Variants in ABCB1 observed in about 807,000 individuals in gnomAD.
The protein encoded by ABCB1 is ATP-dependent translocase ABCB1.
In ABCB1, 69 loss-of-function variants were observed where a neutral mutation model predicts 142.0. The observed-to-expected ratio is 0.49, with a 90% confidence interval of 0.40 to 0.59. The LOEUF (loss-of-function observed/expected upper bound fraction) is 0.59, where lower values mean the gene tolerates loss of function less well. Ranked by LOEUF, ABCB1 falls within the 20% of genes least tolerant of loss-of-function variation. The pLI, the probability that ABCB1 is intolerant of heterozygous loss-of-function variation, is 0.00. For missense variants in ABCB1, 1,326 were observed against 1,554.7 expected (o/e 0.85, Z 2.47); for synonymous variants, 532 against 539.2 (o/e 0.99, Z 0.18).
Position 87,578,659 on chromosome 7 carries a change from T to C in ABCB1, c.286+6853A>G, listed in dbSNP as rs191385652. Among the ~76,000 whole-genome samples the C allele has an allele frequency of 2.0e-5, 3 of 152,206 alleles. No homozygotes were observed. The East Asian group carries it at 5.8e-4, about 29-fold the overall frequency. On this transcript the variant is annotated intron_variant, in intron 4 of 27. Transcript: ENST00000622132. ...GTAAAAGTTATTCCTAGGTATTTAT[T>C]TCATGTGTAGCAATAGTAAATGAGA...
intron 1 of ABCB1, among the ~76,000 whole-genome samples, chr7:87,644,657 AT>A (rs942032754): frequency 1.3e-5 from 2 of 151,854 alleles, no homozygotes; most frequent in Admixed American, 1.3e-4. Flanking sequence ...TTATTTGAAC[AT>A]TTTTTTTCCT....
Position 87,560,614 on chromosome 7 carries a change from T to G in ABCB1, c.827+649A>C, listed in dbSNP as rs868755. On this transcript the variant is annotated intron_variant, in intron 8 of 27. Coordinates refer to ENST00000622132, the MANE Select transcript of ABCB1 (RefSeq NM_001348946.2). ...TACTTTTTCATACCTTCAAAGATAT[T>G]TATATTCATAAGATTGAAGTGTTAT... Among the ~76,000 whole-genome samples the G allele has an allele frequency of 0.68, 102,961 of 152,076 alleles. 36,712 individuals are homozygous for G. Among genetic ancestry groups the G allele is most frequent in the African/African-American group, 0.92 (38,332 of 41,520 alleles).
intron 1 of ABCB1, among the ~76,000 whole-genome samples, chr7:87,675,958 T>A (rs1411897109): frequency 1.3e-5 from 2 of 152,218 alleles, no homozygotes; most frequent in Admixed American, 1.3e-4. Context: ...GGCTCATACC[T>A]GTAATCCCAG....
chr7:87,671,654 G>A (rs1298810413), intron 1 of ABCB1, among the ~76,000 whole-genome samples: 2 of 152,106 alleles, frequency 1.3e-5, no homozygotes, highest in African/African-American at 4.8e-5. Context: ...CCTGTAAGAG[G>A]TGGGTAGAGA....
At chr7:87,673,998 C>T (rs1010211480) in intron 1 of ABCB1, among the ~76,000 whole-genome samples, 3 of 152,202 alleles carry the variant, frequency 2.0e-5, no homozygotes, top group Non-Finnish European at 2.9e-5. Context: ...CAGCACTCCT[C>T]GGCTGTGTGC....
At chr7:87,514,800 T>C (rs1815158817) in intron 25 of ABCB1, among the ~76,000 whole-genome samples, 1 of 152,240 alleles carries the variant, frequency 6.6e-6, no homozygotes, top group African/African-American at 2.4e-5. Context: ...CATTGCTAGA[T>C]TCTATCATGT....
chr7:87,648,349 G>A (rs1057272120), intron 1 of ABCB1, among the ~76,000 whole-genome samples: 41 of 151,990 alleles, frequency 2.7e-4, no homozygotes, highest in African/African-American at 9.9e-4. Context: ...CTTAGTGGAG[G>A]CAAATGTTCA....
At chr7:87,534,917 T>TAAA (rs139364527) in intron 20 of ABCB1, among the ~76,000 whole-genome samples, 1,073 of 91,738 alleles carry the variant, frequency 0.012, 23 homozygotes, top group African/African-American at 0.024. Flanking sequence ...CCTGTCTCTT[T>TAAA]AAAAAAAAAA....
intron 1 of ABCB1, among the ~76,000 whole-genome samples, chr7:87,694,351 T>C (rs1039053169): frequency 1.3e-5 from 2 of 152,274 alleles, no homozygotes; most frequent in East Asian, 1.9e-4. Flanking sequence ...CTTAGTTTCC[T>C]TTCTCCCAGG....
intron 4 of ABCB1, among the ~76,000 whole-genome samples, chr7:87,573,913 C>A (rs753534370): frequency 2.0e-5 from 3 of 152,014 alleles, no homozygotes; most frequent in Non-Finnish European, 2.9e-5. Flanking sequence ...TAAAATGTTC[C>A]CAAAGCCTAT....
chr7:87,597,087 G>A (rs1262790566), intron 2 of ABCB1, among the ~76,000 whole-genome samples: 1 of 152,162 alleles, frequency 6.6e-6, no homozygotes, highest in East Asian at 1.9e-4. Context: ...AGTGAGAAGA[G>A]TTAACTTGTC....
At chr7:87,696,228 A>G (rs1828481247) in intron 1 of ABCB1, among the ~76,000 whole-genome samples, 1 of 152,216 alleles carries the variant, frequency 6.6e-6, no homozygotes, top group Admixed American at 6.5e-5. Context: ...TCTTCAAGAT[A>G]TAGAGTAGTC....
At position 87,566,821 on chromosome 7, in the gene ABCB1, A is replaced by G; in HGVS notation, c.494T>C (p.Val165Ala). 1 of 1,614,232 alleles carries G rather than the reference A, an allele frequency of 6.2e-7. No individual in the cohort carries two copies. Among genetic ancestry groups the G allele is most frequent in the Non-Finnish European group, 8.5e-7 (1 of 1,180,038 alleles). Residue 165 changes from valine (V) to alanine (A), a missense_variant, in exon 6 of 28, where the codon GTG becomes GCG. Physicochemically the swap from Val to Ala is moderately conservative, Grantham distance 64. Coordinates refer to ENST00000622132, the MANE Select transcript of ABCB1 (RefSeq NM_001348946.2). ...GGTGTTAAGCTCCCCAACATCGTGC[A>G]CATCAAACCAGCCTATCTCCTGTCG... Reference protein sequence around the residue: ...IMRQEIGWFDVHDVGELNTRL... With the variant: ...IMRQEIGWFDAHDVGELNTRL...
intron 1 of ABCB1, among the ~76,000 whole-genome samples, chr7:87,646,770 C>T (rs1465138215): frequency 6.6e-6 from 1 of 152,130 alleles, no homozygotes; most frequent in Non-Finnish European, 1.5e-5. Context: ...TGTGTATTGT[C>T]ACTGAGATGG....
At chr7:87,544,687 T>G in intron 16 of ABCB1, 136 bp downstream of exon 16, 1 of 835,136 alleles carries the variant, frequency 1.2e-6, no homozygotes, top group East Asian at 2.5e-5. Flanking sequence ...GATTCTAAAA[T>G]GTTGACATTC....
At chr7:87,535,947 T>G (rs1304787062) in intron 20 of ABCB1, among the ~76,000 whole-genome samples, 1 of 152,186 alleles carries the variant, frequency 6.6e-6, no homozygotes, top group Non-Finnish European at 1.5e-5. Context: ...ATTCATACAG[T>G]AGCAAAATTT....
chr7:87,540,716 C>A (rs1482882171), intron 18 of ABCB1, among the ~76,000 whole-genome samples: 1 of 152,196 alleles, frequency 6.6e-6, no homozygotes, highest in Non-Finnish European at 1.5e-5. Context: ...TCCCAAAGTG[C>A]TGGGATTACA....
chr7:87,643,089 A>G (rs1358827437), intron 1 of ABCB1, among the ~76,000 whole-genome samples: 2 of 151,960 alleles, frequency 1.3e-5, no homozygotes, highest in East Asian at 3.9e-4. Flanking sequence ...ACTAATTTTT[A>G]CATTTCCTTA....
chr7:87,614,319 C>T (rs1348372566), intron 1 of ABCB1, among the ~76,000 whole-genome samples: 2 of 151,926 alleles, frequency 1.3e-5, no homozygotes, highest in Non-Finnish European at 2.9e-5. Flanking sequence ...ATTACTTAAG[C>T]CCAGAAATTT....
Sources: allele counts gnomAD v4.1 joint callset (sites outside exome capture counted in the v4.1 genomes callset), GRCh38; gene constraint gnomAD v4.1.1; transcripts MANE v1.5; gene names NCBI Gene and HGNC (gene_info 2026-07-23, HGNC 2026-07-21).